AQR: variants seen among roughly 807,000 people sequenced by gnomAD.
The protein encoded by AQR is aquarius intron-binding spliceosomal factor.
In AQR, 61 loss-of-function variants were observed where a neutral mutation model predicts 180.5. That is an observed-to-expected ratio of 0.34 (90% CI 0.28 to 0.42). The LOEUF (loss-of-function observed/expected upper bound fraction) is 0.42. Ranked by LOEUF, AQR falls within the 10% of genes least tolerant of loss-of-function variation. The pLI is 1.00. For synonymous variants in AQR, 551 were observed against 588.8 expected (o/e 0.94, Z 0.93); for missense variants, 1,281 against 1,798.3 (o/e 0.71, Z 5.20).
intron 25 of AQR, among the ~76,000 whole-genome samples, chr15:34,884,962 C>A (rs1051326146): frequency 6.6e-6 from 1 of 152,158 alleles, no homozygotes; most frequent in African/African-American, 2.4e-5. Flanking sequence ...TAACAAATTT[C>A]TACAAACTGG....
In AQR at chr15:34,890,297, T is replaced by C; in HGVS notation, c.2599A>G (p.Met867Val). ...TGGCGCTCATCAATGTCTAATGCCATGATTTTCTCAAACAACTGGTTTAGG... is the reference window on the plus strand; with the variant it reads ...TGGCGCTCATCAATGTCTAATGCCACGATTTTCTCAAACAACTGGTTTAGG... The part of the protein sequence containing the change: ...QALNQLFEKI[M>V]ALDIDERHLL... The change falls in exon 24 of 35, where the codon ATG becomes GTG. Residue 867 changes from methionine to valine, a missense_variant. Met to Val is a conservative substitution (Grantham distance 21). Coordinates refer to ENST00000156471, the MANE Select transcript of AQR (RefSeq NM_014691.3). 1 of 1,613,652 alleles carries C rather than the reference T, an allele frequency of 6.2e-7. No homozygotes were observed. The highest frequency in any genetic ancestry group is 8.5e-7 in the Non-Finnish European group (1 of 1,179,808).
intron 9 of AQR, among the ~76,000 whole-genome samples, chr15:34,935,414 T>C (rs1436879707): frequency 6.6e-6 from 1 of 152,188 alleles, no homozygotes; most frequent in Non-Finnish European, 1.5e-5. Context: ...AGGTTTCCTG[T>C]TGCTACTTAG....
chr15:34,901,711 T>C (rs190259643), intron 19 of AQR, among the ~76,000 whole-genome samples: 2 of 152,226 alleles, frequency 1.3e-5, no homozygotes, highest in Non-Finnish European at 2.9e-5. Context: ...CCTTGCTTTA[T>C]GTTCTTACAC....
At chr15:34,876,208 T>G (rs942362392) in intron 27 of AQR, among the ~76,000 whole-genome samples, 8 of 152,204 alleles carry the variant, frequency 5.3e-5, no homozygotes, top group Non-Finnish European at 8.8e-5. Flanking sequence ...CATTTCCAAT[T>G]CAAGTATTTG....
chr15:34,932,627 TA>T (rs1260876554), intron 10 of AQR, among the ~76,000 whole-genome samples, 193 bp from the exon 11 acceptor site: 2 of 152,156 alleles, frequency 1.3e-5, no homozygotes, highest in Non-Finnish European at 2.9e-5. Flanking sequence ...TTTTTGGTTT[TA>T]AAAACAATAA....
chr15:34,874,457 G>A (rs1892864478), intron 29 of AQR: 1 of 511,908 alleles, frequency 2.0e-6, no homozygotes, highest in Non-Finnish European at 3.4e-6. Context: ...TAGATTATAA[G>A]TTACTTAAAT....
At chr15:34,928,964 A>G (rs1010633875) in intron 12 of AQR, among the ~76,000 whole-genome samples, 2 of 152,118 alleles carry the variant, frequency 1.3e-5, no homozygotes, top group Non-Finnish European at 2.9e-5. Flanking sequence ...GTTTTTCTTC[A>G]TATGTTCGTT....
chr15:34,928,585 C>A (rs13379891), intron 12 of AQR, among the ~76,000 whole-genome samples: 2,763 of 152,196 alleles, frequency 0.018, 77 homozygotes, highest in African/African-American at 0.058. Context: ...TTTTCTTTAT[C>A]CAGTCTATCG....
chr15:34,945,805 A>T (rs1416571203), intron 5 of AQR, among the ~76,000 whole-genome samples: 2 of 152,102 alleles, frequency 1.3e-5, no homozygotes, highest in African/African-American at 4.8e-5. Flanking sequence ...TTTTTCATTT[A>T]AAAAAGTCTG....
At chr15:34,882,765 ATTATAATTCTGTT>A in intron 26 of AQR, 126 bp from the exon 27 acceptor site, 1 of 830,990 alleles carries the variant, frequency 1.2e-6, no homozygotes, top group Non-Finnish European at 1.7e-6. Context: ...AGCCTAATGA[ATTATAATTCTGTT>A]CATTATGATT....
At chr15:34,962,829 T>C (rs1395087940) in intron 2 of AQR, among the ~76,000 whole-genome samples, 1 of 152,134 alleles carries the variant, frequency 6.6e-6, no homozygotes, top group African/African-American at 2.4e-5. Flanking sequence ...CGTAAGAATT[T>C]AAGTTCAAAT....
At chr15:34,931,820 A>C (rs1338493119) in intron 11 of AQR, among the ~76,000 whole-genome samples, 1 of 152,182 alleles carries the variant, frequency 6.6e-6, no homozygotes, top group African/African-American at 2.4e-5. Context: ...CTCCATAAAC[A>C]AAACAAAACA....
chr15:34,969,662 G>A lies in AQR; in HGVS notation c.-49C>T, dbSNP rs1338931081. The A allele has an allele frequency of 1.3e-6, 2 of 1,587,860 alleles. No individual in the cohort carries two copies. The highest frequency in any genetic ancestry group is 1.8e-5 in the Admixed American group (1 of 56,448). On this transcript the variant is annotated 5_prime_UTR_variant, in exon 1 of 35. Transcript: ENST00000156471. ...AGTGGAAACTAAAGGACCGCTCTGGGCAGCGGCAACCCTGGTCCACTTCCC... is the reference window on the plus strand; with the variant it reads ...AGTGGAAACTAAAGGACCGCTCTGGACAGCGGCAACCCTGGTCCACTTCCC...
chr15:34,931,988 T>C (rs1416099373), intron 11 of AQR, among the ~76,000 whole-genome samples: 2 of 152,220 alleles, frequency 1.3e-5, no homozygotes, highest in Non-Finnish European at 2.9e-5. Flanking sequence ...CATCATCTTA[T>C]AGAAAGAGTC....
Position 34,882,489 on chromosome 15 carries a change from C to G in AQR, c.3165+13G>C. On this transcript the variant is annotated intron_variant, in intron 27 of 34. Coordinates refer to ENST00000156471, the MANE Select transcript of AQR (RefSeq NM_014691.3). ...TTAAAAAAAAAAAAAAAAAAACTAC[C>G]ATAAGTCTTTACCTTGAAACCTAGC... is the stretch of plus-strand genomic sequence containing the variant. The G allele has an allele frequency of 6.9e-7, 1 of 1,444,330 alleles. No homozygotes were observed. Among genetic ancestry groups the G allele is most frequent in the South Asian group, 1.5e-5 (1 of 66,948 alleles). 89.5% of individuals were successfully genotyped at this position (1,444,330 alleles called of 1,614,324 possible).
At chr15:34,870,948 T>C (rs1271490363) in intron 30 of AQR, 26 bp from the exon 31 acceptor site, 3 of 1,584,920 alleles carry the variant, frequency 1.9e-6, no homozygotes, top group South Asian at 2.3e-5. Context: ...AATCAGACTG[T>C]GCATTCATTT....
At chr15:34,964,521 C>T in intron 1 of AQR, 1 of 618,858 alleles carries the variant, frequency 1.6e-6, no homozygotes, top group Non-Finnish European at 3.0e-6. Flanking sequence ...TATAAACAAA[C>T]AAACAAAATC....
In AQR at chr15:34,898,254, T is replaced by G. The variant is rs560699216; in HGVS notation, c.2244-549A>C. 5.6e-4 allele frequency among the ~76,000 whole-genome samples: 85 copies of G among 152,316 alleles called. No individual in the cohort carries two copies. In the Middle Eastern group the frequency reaches 0.01, roughly 18 times the overall value. On this transcript the variant is annotated intron_variant, in intron 20 of 34. Transcript: ENST00000156471. ...GCTTTTAAGGCAGAGGGTCATAACC[T>G]GGGGTTAGGAGGTAACTCCCCACAG...
intron 17 of AQR, among the ~76,000 whole-genome samples, chr15:34,908,513 T>A (rs1397061940): frequency 2.6e-5 from 4 of 152,176 alleles, no homozygotes. Flanking sequence ...CTATCTGTGA[T>A]CAATATAGGG....
Sources: allele counts gnomAD v4.1 joint callset (sites outside exome capture counted in the v4.1 genomes callset), GRCh38; gene constraint gnomAD v4.1.1; transcripts MANE v1.5; gene names NCBI Gene and HGNC (gene_info 2026-07-23, HGNC 2026-07-21).